TMEM97: variants seen among roughly 807,000 people sequenced by gnomAD.
TMEM97 encodes transmembrane protein 97, also known as sigma intracellular receptor 2.
In TMEM97, 13 loss-of-function variants were observed where a neutral mutation model predicts 18.3. That is an observed-to-expected ratio of 0.71 (90% CI 0.46 to 1.13). The LOEUF is 1.13. Ranked by LOEUF, TMEM97 falls within the 50% of genes most tolerant of loss-of-function variation. The pLI is 0.00. For missense variants in TMEM97, 205 were observed against 210.5 expected, an observed-to-expected ratio of 0.97 and a Z score of 0.16; for synonymous variants, 76 against 85.3, an observed-to-expected ratio of 0.89 and a Z score of 0.60.
Position 28,325,549 on chromosome 17 carries a change from T to A in TMEM97, c.173T>A (p.Leu58Gln). 1 of 1,614,226 alleles carries A rather than the reference T, an allele frequency of 6.2e-7. No homozygotes were observed. Among genetic ancestry groups the A allele is most frequent in the Non-Finnish European group, 8.5e-7 (1 of 1,180,032 alleles). Reference protein sequence around the residue: ...KWYAKEFKDPLLQEPPAWFKS... With the variant: ...KWYAKEFKDPQLQEPPAWFKS... ...TATGCTAAGGAGTTCAAAGACCCAC[T>A]GCTACAGGAGCCCCCAGCCTGGTTT... is the stretch of plus-strand genomic sequence containing the variant. The change falls in exon 2 of 3, where the codon CTG becomes CAG. Residue 58 changes from leucine (L) to glutamine (Q), a missense_variant. By Grantham distance (113) the Leu-to-Gln change is moderately radical (BLOSUM62 -2). Coordinates refer to ENST00000226230, the MANE Select transcript of TMEM97 (RefSeq NM_014573.3).
chr17:28,322,016 A>G (rs534379703), intron 1 of TMEM97, among the ~76,000 whole-genome samples: 1 of 152,272 alleles, frequency 6.6e-6, no homozygotes, highest in East Asian at 1.9e-4. Context: ...TGGGGCAAAT[A>G]ATAATAAACG....
At chr17:28,320,715 G>A (rs782686938) in intron 1 of TMEM97, among the ~76,000 whole-genome samples, 1 of 152,218 alleles carries the variant, frequency 6.6e-6, no homozygotes, top group Non-Finnish European at 1.5e-5. Context: ...AAATCTTACA[G>A]TGCTCAAATC....
At chr17:28,323,179 C>G (rs1567775533) in intron 1 of TMEM97, among the ~76,000 whole-genome samples, 1 of 152,186 alleles carries the variant, frequency 6.6e-6, no homozygotes, top group South Asian at 2.1e-4. Flanking sequence ...CTCCTACTCA[C>G]AATTAGTCCC....
At position 28,325,648 on chromosome 17, in the gene TMEM97, G is replaced by T. The variant is rs374357563; in HGVS notation, c.271+1G>T. ...ATTGCAACGTATGCCTTCCTCAAAGGTTGGTAAATGGTGGGAAAATCCCAT... is the reference window on the plus strand; with the variant it reads ...ATTGCAACGTATGCCTTCCTCAAAGTTTGGTAAATGGTGGGAAAATCCCAT... On this transcript the variant is annotated splice_donor_variant, in intron 2 of 2. Coordinates refer to ENST00000226230, the MANE Select transcript of TMEM97 (RefSeq NM_014573.3). LOFTEE classifies it high-confidence loss of function. 16 of 1,613,454 alleles carry T rather than the reference G, an allele frequency of 9.9e-6. No homozygotes were observed. In the African/African-American group the frequency reaches 2.0e-4, roughly 20 times the overall value.
At position 28,325,634 on chromosome 17, in the gene TMEM97, T is replaced by C; in HGVS notation, c.258T>C (p.Tyr86=). 6.2e-7 allele frequency: 1 copy of C among 1,614,226 alleles called. No individual in the cohort carries two copies. The stretch of plus-strand genomic sequence containing the variant: ...TGCCTTTCTTTCCCATTGCAACGTA[T>C]GCCTTCCTCAAAGGTTGGTAAATGG... ...FQLPFFPIAT[Y]AFLKGSCKWI... is the part of the protein sequence containing the mutation. Residue 86 remains tyrosine, a synonymous_variant, in exon 2 of 3, where the codon TAT becomes TAC. Coordinates refer to ENST00000226230, the MANE Select transcript of TMEM97 (RefSeq NM_014573.3).
chr17:28,319,433 C>A (rs72846720), intron 1 of TMEM97, 68 bp downstream of exon 1: 51,489 of 1,459,742 alleles, frequency 0.035, 1,100 homozygotes, highest in Non-Finnish European at 0.042. Context: ...GGGCCTTCAC[C>A]TCCTCCGCGC....
At chr17:28,325,469 G>T in intron 1 of TMEM97, 34 bp from the exon 2 acceptor site, 1 of 1,610,234 alleles carries the variant, frequency 6.2e-7, no homozygotes, top group Non-Finnish European at 8.5e-7. Flanking sequence ...GAGGGCAAGT[G>T]GCTGTAATTC....
intron 1 of TMEM97, among the ~76,000 whole-genome samples, chr17:28,321,896 G>A (rs1232172769): frequency 6.6e-6 from 1 of 151,978 alleles, no homozygotes; most frequent in African/African-American, 2.4e-5. Context: ...GTGTATCTGT[G>A]TGTGTGATGA....
intron 1 of TMEM97, among the ~76,000 whole-genome samples, chr17:28,324,095 A>G (rs185400300): frequency 6.6e-6 from 1 of 152,360 alleles, no homozygotes; most frequent in African/African-American, 2.4e-5. Context: ...TTAAGAAAAC[A>G]TCTAGTCCAA....
rs1906385902 is a variant in TMEM97 at position 28,327,123 on chromosome 17, G to A, written c.*330G>A. On this transcript the variant is annotated 3_prime_UTR_variant, in exon 3 of 3. Transcript: ENST00000226230. ...ACTACAGGTGTGTACCAACACGTAT[G>A]GCTAATTTGTTTTGTTTTTTTTGTG... The A allele has an allele frequency of 4.0e-6, 1 of 247,898 alleles. No homozygotes were observed. 15.4% of individuals were successfully genotyped at this position (247,898 alleles called of 1,614,324 possible).
intron 1 of TMEM97, 53 bp downstream of exon 1, chr17:28,319,418 C>T: frequency 6.6e-7 from 1 of 1,519,100 alleles, no homozygotes; most frequent in Non-Finnish European, 8.8e-7. Context: ...GGCGCTGCGT[C>T]CACAGGGCCT....
At chr17:28,321,371 A>G (rs1371524579) in intron 1 of TMEM97, among the ~76,000 whole-genome samples, 2 of 152,210 alleles carry the variant, frequency 1.3e-5, no homozygotes, top group African/African-American at 4.8e-5. Flanking sequence ...CCCCTAACAA[A>G]ATACACTTAA....
At position 28,326,711 on chromosome 17, in the gene TMEM97, A is replaced by C. The variant is rs1197939737; in HGVS notation, c.449A>C (p.Tyr150Ser). 6.2e-7 allele frequency: 1 copy of C among 1,613,864 alleles called. No individual in the cohort carries two copies. Among genetic ancestry groups the C allele is most frequent in the African/African-American group, 1.3e-5 (1 of 74,848 alleles). ...ACCCTTGTGTCTGTCTATGCCCCCT[A>C]CTTACTCATCCCATTCATACTTTTA... ...RLTLVSVYAP[Y>S]LLIPFILLIF... Residue 150 changes from tyrosine to serine, a missense_variant, in exon 3 of 3, where the codon TAC becomes TCC. By Grantham distance (144) the Tyr-to-Ser change is moderately radical. Transcript: ENST00000226230.
intron 1 of TMEM97, among the ~76,000 whole-genome samples, chr17:28,323,374 G>A (rs1906221026): frequency 6.6e-6 from 1 of 152,072 alleles, no homozygotes; most frequent in Non-Finnish European, 1.5e-5. Context: ...TTGGATCAGA[G>A]AGGTTGTAAA....
intron 1 of TMEM97, among the ~76,000 whole-genome samples, chr17:28,323,732 G>A (rs546906893): frequency 2.0e-5 from 3 of 152,290 alleles, no homozygotes; most frequent in Admixed American, 2.0e-4. Context: ...GTCAGGCCGG[G>A]TGCAGTGGCT....
chr17:28,325,483 A>G lies in TMEM97; in HGVS notation c.127-20A>G. ...TGAGGGCAAGTGGCTGTAATTCATCATGATCGTTTTCTTTTTCAGTTTAGA... is the reference window on the plus strand; with the variant it reads ...TGAGGGCAAGTGGCTGTAATTCATCGTGATCGTTTTCTTTTTCAGTTTAGA... On this transcript the variant is annotated intron_variant, in intron 1 of 2. Coordinates refer to ENST00000226230, the MANE Select transcript of TMEM97 (RefSeq NM_014573.3). The G allele has an allele frequency of 1.2e-6, 2 of 1,611,924 alleles. No homozygotes were observed. Among genetic ancestry groups the G allele is most frequent in the Non-Finnish European group, 8.5e-7 (1 of 1,179,374 alleles).
At chr17:28,323,211 G>C (rs1179556688) in intron 1 of TMEM97, among the ~76,000 whole-genome samples, 4 of 152,138 alleles carry the variant, frequency 2.6e-5, no homozygotes, top group African/African-American at 9.7e-5. Flanking sequence ...GGCATCAGGT[G>C]GCAGGTATAT....
chr17:28,326,923 A>C lies in TMEM97; in HGVS notation c.*130A>C. On this transcript the variant is annotated 3_prime_UTR_variant, in exon 3 of 3. Transcript: ENST00000226230. ...AACACTGGCAGCAATGCACAAGAGCAAGATGGTGTCAGGAACCATGTCAAA... is the reference window on the plus strand; with the variant it reads ...AACACTGGCAGCAATGCACAAGAGCCAGATGGTGTCAGGAACCATGTCAAA... The C allele has an allele frequency of 8.5e-7, 1 of 1,176,466 alleles. No homozygotes were observed. The highest frequency in any genetic ancestry group is 1.2e-6 in the Non-Finnish European group (1 of 839,322). 72.9% of individuals were successfully genotyped at this position (1,176,466 alleles called of 1,614,324 possible).
intron 1 of TMEM97, 188 bp downstream of exon 1, chr17:28,319,553 C>G (rs1245778007): frequency 1.1e-5 from 7 of 644,486 alleles, no homozygotes; most frequent in Non-Finnish European, 1.6e-5. Flanking sequence ...TATCCCAGCC[C>G]CTTCTCCCAA....
Sources: allele counts gnomAD v4.1 joint callset (sites outside exome capture counted in the v4.1 genomes callset), GRCh38; gene constraint gnomAD v4.1.1; transcripts MANE v1.5; gene names NCBI Gene and HGNC (gene_info 2026-07-23, HGNC 2026-07-21).